The following PTPRD variants were observed in gnomAD, a reference collection of about 807,000 sequenced individuals.
The protein encoded by PTPRD is protein tyrosine phosphatase receptor type D.
In PTPRD, 34 loss-of-function variants were observed where a neutral mutation model predicts 214.5. The observed-to-expected ratio is 0.16, with a 90% CI of 0.12 to 0.21. The LOEUF is 0.21. PTPRD is among the 10% of genes least tolerant of loss of function. The pLI is 1.00. For synonymous variants in PTPRD, 1,128 were observed against 845.7 expected, an observed-to-expected ratio of 1.33 and a Z score of -5.79; for missense variants, 2,545 against 2,398.7, an observed-to-expected ratio of 1.06 and a Z score of -1.27.
chr9:9,092,860 C>A (rs2099778238), intron 10 of PTPRD, among the ~76,000 whole-genome samples: 1 of 151,798 alleles, frequency 6.6e-6, no homozygotes, highest in Non-Finnish European at 1.5e-5. Flanking sequence ...TGTAAATGTT[C>A]TAAACACACA....
intron 39 of PTPRD, among the ~76,000 whole-genome samples, chr9:8,353,304 C>G (rs1159293964): frequency 6.6e-6 from 1 of 152,122 alleles, no homozygotes; most frequent in Admixed American, 6.5e-5. Flanking sequence ...CCCTAGCAAC[C>G]TCCAGCAGGC....
At chr9:10,606,322 T>C (rs923426196) in intron 2 of PTPRD, among the ~76,000 whole-genome samples, 6 of 151,946 alleles carry the variant, frequency 3.9e-5, no homozygotes, top group African/African-American at 1.4e-4. Context: ...AGTCACTCCT[T>C]CTACCATTCT....
At chr9:10,338,992 G>C (rs976416358) in intron 3 of PTPRD, among the ~76,000 whole-genome samples, 1 of 151,658 alleles carries the variant, frequency 6.6e-6, no homozygotes, top group African/African-American at 2.4e-5. Context: ...AAATTCAACT[G>C]AGCAAGAACA....
intron 9 of PTPRD, among the ~76,000 whole-genome samples, chr9:9,203,168 T>TGCA (rs994057454): frequency 1.3e-5 from 2 of 151,920 alleles, no homozygotes; most frequent in African/African-American, 4.8e-5. Flanking sequence ...AGGCGGAGGT[T>TGCA]GCAGCGAGCC....
chr9:8,532,217 G>C (rs1054540598), intron 14 of PTPRD, among the ~76,000 whole-genome samples: 1 of 151,700 alleles, frequency 6.6e-6, no homozygotes. Context: ...GTTGTGGCTT[G>C]TTTCCAATTT....
intron 4 of PTPRD, among the ~76,000 whole-genome samples, chr9:10,002,840 C>G (rs987768519): frequency 6.6e-6 from 1 of 151,328 alleles, no homozygotes; most frequent in Non-Finnish European, 1.5e-5. Context: ...TAATGAAAAT[C>G]TGTAGAAGAT....
intron 3 of PTPRD, among the ~76,000 whole-genome samples, chr9:10,191,361 C>T (rs1186473550): frequency 1.3e-5 from 2 of 151,842 alleles, no homozygotes; most frequent in Non-Finnish European, 2.9e-5. Flanking sequence ...ACAGACATTG[C>T]TTTAAGTATT....
intron 9 of PTPRD, among the ~76,000 whole-genome samples, chr9:9,334,038 A>G (rs1319316630): frequency 6.6e-6 from 1 of 151,998 alleles, no homozygotes; most frequent in Non-Finnish European, 1.5e-5. Flanking sequence ...TGGCACAAAG[A>G]AAATGCTTAA....
chr9:8,335,420 A>AGGCCTTT (rs1845674199), intron 43 of PTPRD, among the ~76,000 whole-genome samples: 1 of 152,350 alleles, frequency 6.6e-6, no homozygotes, highest in Admixed American at 6.5e-5. Context: ...GATGCAGAAA[A>AGGCCTTT]GGCCTTTGGC....
intron 3 of PTPRD, among the ~76,000 whole-genome samples, chr9:10,051,845 T>G (rs1183937690): frequency 6.6e-6 from 1 of 152,194 alleles, no homozygotes; most frequent in East Asian, 1.9e-4. Context: ...TTTATTCAGA[T>G]AAGAAATGCT....
At chr9:9,178,930 T>C (rs1248889511) in intron 10 of PTPRD, among the ~76,000 whole-genome samples, 1 of 152,094 alleles carries the variant, frequency 6.6e-6, no homozygotes, top group African/African-American at 2.4e-5. Flanking sequence ...GTCAAATTAA[T>C]ACTGTAATCA....
At chr9:10,531,111 G>A (rs1245239145) in intron 2 of PTPRD, among the ~76,000 whole-genome samples, 3 of 151,956 alleles carry the variant, frequency 2.0e-5, no homozygotes, top group African/African-American at 4.8e-5. Context: ...CACCACGCCC[G>A]GCTAATTTTT....
At position 8,875,395 on chromosome 9, in the gene PTPRD, G is replaced by A. The variant is rs552300396; in HGVS notation, c.-103-141449C>T. Among the ~76,000 whole-genome samples the A allele has an allele frequency of 2.0e-5, 3 of 152,186 alleles. No individual in the cohort carries two copies. In the South Asian group the frequency reaches 6.2e-4, roughly 32 times the overall value. Reference sequence around the variant, plus strand: ...TTTTTTTAATTAGCCAGACATAGTGGCACATTCCTGTAGTCCCAGCTACAA... The same window carrying A: ...TTTTTTTAATTAGCCAGACATAGTGACACATTCCTGTAGTCCCAGCTACAA... On this transcript the variant is annotated intron_variant, in intron 11 of 45. Transcript: ENST00000381196.
chr9:9,057,031 G>C (rs1374613153), intron 10 of PTPRD, among the ~76,000 whole-genome samples: 1 of 152,036 alleles, frequency 6.6e-6, no homozygotes, highest in African/African-American at 2.4e-5. Context: ...CCTCAGGGGG[G>C]ATCTGTTATA....
intron 9 of PTPRD, among the ~76,000 whole-genome samples, chr9:9,299,774 G>C (rs1954542418): frequency 6.6e-6 from 1 of 151,326 alleles, no homozygotes; most frequent in East Asian, 2.0e-4. Flanking sequence ...TGTGGGATGA[G>C]GGAAAAGACA....
At position 8,384,117 on chromosome 9, in the gene PTPRD, G is replaced by A. The variant is rs778899404; in HGVS notation, c.4386+5115C>T. ...AGCAGATGAATCCTACCTCGGAGAT[G>A]CCAATTCTGCAAGCAAGGCTGCCAA... On this transcript the variant is annotated intron_variant, in intron 37 of 45. Transcript: ENST00000381196. 3.7e-4 allele frequency among the ~76,000 whole-genome samples: 57 copies of A among 152,270 alleles called. No homozygotes were observed. The Middle Eastern group carries it at 0.014, about 36-fold the overall frequency.
chr9:9,425,882 G>A (rs977805326), intron 8 of PTPRD, among the ~76,000 whole-genome samples: 1 of 152,012 alleles, frequency 6.6e-6, no homozygotes, highest in African/African-American at 2.4e-5. Context: ...AAGAAAAAAT[G>A]AATGCAACAA....
intron 8 of PTPRD, among the ~76,000 whole-genome samples, chr9:9,454,675 T>C (rs980110704): frequency 2.0e-5 from 3 of 151,704 alleles, no homozygotes; most frequent in Non-Finnish European, 3.0e-5. Flanking sequence ...AAATTACATA[T>C]AGTTTATTCT....
At chr9:9,738,046 GAAC>G (rs1271808474) in intron 6 of PTPRD, among the ~76,000 whole-genome samples, 2 of 149,828 alleles carry the variant, frequency 1.3e-5, no homozygotes, top group Non-Finnish European at 3.0e-5. Context: ...GTTGGGAATT[GAAC>G]AACGAGAACA....
Sources: gnomAD v4.1 joint callset for allele counts (sites outside exome capture counted in the v4.1 genomes callset) on GRCh38, gnomAD v4.1.1 for gene constraint, MANE v1.5 for transcripts, NCBI Gene and HGNC (gene_info 2026-07-23, HGNC 2026-07-21) for gene names.